The following DNAJB6 variants were observed in gnomAD, a reference collection of about 807,000 sequenced individuals.
DNAJB6 encodes dnaJ homolog subfamily B member 6.
In DNAJB6, 16 loss-of-function variants were observed where a neutral mutation model predicts 42.7. The observed-to-expected ratio is 0.37, with a 90% CI of 0.25 to 0.57. The LOEUF (loss-of-function observed/expected upper bound fraction) is 0.57. DNAJB6 is among the 20% of genes least tolerant of loss of function. The probability of loss-of-function intolerance (pLI) is 0.74; values close to 1 mark genes in which losing one functional copy is unlikely to be tolerated. For missense variants in DNAJB6, 347 were observed against 416.8 expected, an observed-to-expected ratio of 0.83 and a Z score of 1.46; for synonymous variants, 170 against 163.5, an observed-to-expected ratio of 1.04 and a Z score of -0.30.
At chr7:157,385,492 A>G (rs1428070760) in intron 7 of DNAJB6, 49 bp from the exon 8 acceptor site, 3 of 1,585,726 alleles carry the variant, frequency 1.9e-6, no homozygotes, top group East Asian at 2.2e-5. Flanking sequence ...ACCCTCACAC[A>G]TGCATTTTCT....
chr7:157,351,603 A>G (rs1006038160), intron 1 of DNAJB6, among the ~76,000 whole-genome samples: 1 of 151,462 alleles, frequency 6.6e-6, no homozygotes, highest in South Asian at 2.1e-4. Context: ...ACTGCACTCC[A>G]GCCTGGGTGA....
At chr7:157,369,236 T>C (rs1323086486) in intron 5 of DNAJB6, 9 of 456,134 alleles carry the variant, frequency 2.0e-5, no homozygotes, top group African/African-American at 4.0e-5. Flanking sequence ...CATCCGTCCT[T>C]CATCAACCCT....
intron 8 of DNAJB6, among the ~76,000 whole-genome samples, chr7:157,398,951 T>G (rs1801722598): frequency 6.6e-6 from 1 of 152,206 alleles, no homozygotes; most frequent in African/African-American, 2.4e-5. Context: ...GAAGAGTAAT[T>G]AATGGTATTA....
At chr7:157,343,498 T>G (rs1431467900) in intron 1 of DNAJB6, among the ~76,000 whole-genome samples, 1 of 152,020 alleles carries the variant, frequency 6.6e-6, no homozygotes, top group Admixed American at 6.6e-5. Context: ...AGATGGAGTC[T>G]TGCTCTGTTG....
chr7:157,389,249 A>AT (rs1469784890), intron 8 of DNAJB6, among the ~76,000 whole-genome samples: 2 of 152,228 alleles, frequency 1.3e-5, no homozygotes, highest in Non-Finnish European at 2.9e-5. Context: ...CTTTCCGGGA[A>AT]TACTGATCTT....
At chr7:157,383,518 A>G (rs898352128) in intron 6 of DNAJB6, among the ~76,000 whole-genome samples, 3 of 152,080 alleles carry the variant, frequency 2.0e-5, no homozygotes, top group Admixed American at 6.6e-5. Flanking sequence ...ATTTGATACC[A>G]TGGAATATGC....
chr7:157,344,349 C>CA (rs940085123), intron 1 of DNAJB6, among the ~76,000 whole-genome samples: 1,392 of 121,914 alleles, frequency 0.011, 7 homozygotes, highest in South Asian at 0.015. Flanking sequence ...GACTCCGTCT[C>CA]AAAAAAAAAA....
chr7:157,351,651 A>G (rs1244917465), intron 1 of DNAJB6, among the ~76,000 whole-genome samples: 1 of 112,716 alleles, frequency 8.9e-6, no homozygotes, highest in East Asian at 3.0e-4. Flanking sequence ...AACAACAACA[A>G]CAACAACAAC....
At chr7:157,371,251 A>G (rs1178841999) in intron 5 of DNAJB6, among the ~76,000 whole-genome samples, 2 of 152,264 alleles carry the variant, frequency 1.3e-5, no homozygotes, top group East Asian at 3.8e-4. Context: ...TTGACAAATC[A>G]TATTTACTAG....
At chr7:157,393,165 G>A (rs921936997) in intron 8 of DNAJB6, among the ~76,000 whole-genome samples, 5 of 151,894 alleles carry the variant, frequency 3.3e-5, no homozygotes, top group African/African-American at 1.2e-4. Flanking sequence ...TAGTAGAGAC[G>A]GAGTTTCACT....
intron 5 of DNAJB6, among the ~76,000 whole-genome samples, chr7:157,373,742 C>T (rs1374617069): frequency 6.6e-6 from 1 of 152,158 alleles, no homozygotes; most frequent in Non-Finnish European, 1.5e-5. Context: ...TGCTGGTGAC[C>T]TGGACCCACT....
At chr7:157,352,128 G>C (rs1293835907) in intron 1 of DNAJB6, among the ~76,000 whole-genome samples, 1 of 151,960 alleles carries the variant, frequency 6.6e-6, no homozygotes, top group African/African-American at 2.4e-5. Context: ...TCAGGAGATC[G>C]AGACCATCCT....
rs1796027319 is a variant in DNAJB6 at position 157,413,324 on chromosome 7, T to TC, written c.899-2692_899-2691insC. On this transcript the variant is annotated intron_variant, in intron 9 of 9. Coordinates refer to ENST00000262177, the MANE Select transcript of DNAJB6 (RefSeq NM_058246.4). The stretch of plus-strand genomic sequence containing the variant: ...AGAATAAAGCAGGTCCTTTGTTTTT[T>TC]TGGCTGAGGAAAGCAGCCTGCCCTG... 2.0e-5 allele frequency: 3 copies of TC among 152,240 alleles called. No individual in the cohort carries two copies. The South Asian group carries it at 6.2e-4, about 32-fold the overall frequency. The allele number at this position is 152,240 out of a possible 1,614,324, so 9.4% of individuals were successfully genotyped here.
chr7:157,350,089 G>A (rs577564791), intron 1 of DNAJB6, among the ~76,000 whole-genome samples: 5 of 152,236 alleles, frequency 3.3e-5, no homozygotes, highest in East Asian at 3.9e-4. Flanking sequence ...CATCCTGCCC[G>A]AATTTTATTG....
intron 1 of DNAJB6, among the ~76,000 whole-genome samples, chr7:157,355,225 T>C (rs1799210306): frequency 6.6e-6 from 1 of 152,224 alleles, no homozygotes; most frequent in Non-Finnish European, 1.5e-5. Context: ...GCGGGCGCGA[T>C]CTCGGCTCAC....
At chr7:157,379,685 A>G (rs187318494) in intron 5 of DNAJB6, 6 of 152,236 alleles carry the variant, frequency 3.9e-5, no homozygotes, top group African/African-American at 1.2e-4. Flanking sequence ...GGGTCTTGCT[A>G]TGTTGCCCAG....
At position 157,396,875 on chromosome 7, in the gene DNAJB6, G is replaced by T. The variant is rs368255824; in HGVS notation, c.691+11264G>T. Among the ~76,000 whole-genome samples, 16 of 152,072 alleles carry T rather than the reference G, an allele frequency of 1.1e-4. No individual in the cohort carries two copies. The South Asian group carries it at 3.3e-3, about 32-fold the overall frequency. On this transcript the variant is annotated intron_variant, in intron 8 of 9. Coordinates refer to ENST00000262177, the MANE Select transcript of DNAJB6 (RefSeq NM_058246.4). ...GGTTTTTCAGGCATAAACATCCACC[G>T]CCCGCCTCCTTTTCTACATGGGAAG...
chr7:157,404,199 G>A (rs1014762744), intron 8 of DNAJB6, among the ~76,000 whole-genome samples: 1 of 151,524 alleles, frequency 6.6e-6, no homozygotes, highest in African/African-American at 2.4e-5. Context: ...AAACTCTTGG[G>A]CCCAAGTGAT....
intron 1 of DNAJB6, among the ~76,000 whole-genome samples, chr7:157,349,622 A>G (rs1446102345): frequency 1.3e-5 from 2 of 151,976 alleles, no homozygotes; most frequent in East Asian, 1.9e-4. Flanking sequence ...AGCTGGGACC[A>G]TGCGCTGTGC....
Sources: gnomAD v4.1 joint callset for allele counts (sites outside exome capture counted in the v4.1 genomes callset) on GRCh38, gnomAD v4.1.1 for gene constraint, MANE v1.5 for transcripts, NCBI Gene and HGNC (gene_info 2026-07-23, HGNC 2026-07-21) for gene names.